ZNF599: variants seen among roughly 807,000 people sequenced by gnomAD.
ZNF599 encodes zinc finger protein 599.
In ZNF599, 10 loss-of-function variants were observed where a neutral mutation model predicts 11.7. That is an observed-to-expected ratio of 0.86 (90% CI 0.53 to 1.45). ZNF599 has a LOEUF of 1.45. Ranked by LOEUF, ZNF599 falls within the 40% of genes most tolerant of loss-of-function variation. The probability of loss-of-function intolerance (pLI) is 0.00; values close to 1 mark genes in which losing one functional copy is unlikely to be tolerated. For synonymous variants in ZNF599, 232 were observed against 253.2 expected, an observed-to-expected ratio of 0.92 and a Z score of 0.79; for missense variants, 688 against 713.6, an observed-to-expected ratio of 0.96 and a Z score of 0.41.
the ZNF599 span, among the ~76,000 whole-genome samples, chr19:34,778,329 AT>A: frequency 6.6e-6 from 1 of 151,484 alleles, no homozygotes; most frequent in East Asian, 1.9e-4. Flanking sequence ...AAATATATAT[AT>A]ATAAGAAATC....
upstream of ZNF599, among the ~76,000 whole-genome samples, chr19:34,777,410 A>AT (rs2069224377): frequency 2.2e-5 from 2 of 91,298 alleles, no homozygotes; most frequent in African/African-American, 9.6e-5. Context: ...TATTATATAT[A>AT]ATATATATTA....
chr19:34,765,781 G>A (rs540189574), intron 3 of ZNF599: 91 of 668,884 alleles, frequency 1.4e-4, no homozygotes, highest in Admixed American at 3.8e-4. Flanking sequence ...ACATGTGAGT[G>A]GATGCAGATA....
chr19:34,784,253 T>G, the ZNF599 span, among the ~76,000 whole-genome samples: 2 of 152,134 alleles, frequency 1.3e-5, no homozygotes, highest in African/African-American at 4.8e-5. Context: ...TCTCCCTGGG[T>G]GTCTTTATGT....
intron 2 of ZNF599, among the ~76,000 whole-genome samples, chr19:34,768,338 C>T (rs571118167): frequency 3.9e-5 from 6 of 152,304 alleles, no homozygotes; most frequent in South Asian, 2.1e-4. Flanking sequence ...CATCTCCTTT[C>T]GACAACTAAT....
chr19:34,759,813 T>C lies in ZNF599; in HGVS notation c.988A>G (p.Met330Val), dbSNP rs761679510. 1.2e-6 allele frequency: 2 copies of C among 1,614,204 alleles called. No individual in the cohort carries two copies. The highest frequency in any genetic ancestry group is 8.5e-7 in the Non-Finnish European group (1 of 1,180,022). ...AGTTTCTTTCCAGTATGAATCCTCATATGTTGAGCAAATGAGGAGCTGTAG... is the reference window on the plus strand; with the variant it reads ...AGTTTCTTTCCAGTATGAATCCTCACATGTTGAGCAAATGAGGAGCTGTAG... ...FYYSSSFAQHMRIHTGKKLYE... is the reference protein window; with the variant it reads ...FYYSSSFAQHVRIHTGKKLYE... Residue 330 changes from methionine to valine, a missense_variant, in exon 4 of 4, where the codon ATG becomes GTG. By Grantham distance (21) the Met-to-Val change is conservative (BLOSUM62 1). Coordinates refer to ENST00000329285, the MANE Select transcript of ZNF599 (RefSeq NM_001007248.3).
chr19:34,786,777 C>T, the ZNF599 span, among the ~76,000 whole-genome samples: 1 of 152,186 alleles, frequency 6.6e-6, no homozygotes, highest in African/African-American at 2.4e-5. Context: ...TGATGCTCCA[C>T]CCTCAGAGGT....
chr19:34,759,618 A>C lies in ZNF599; in HGVS notation c.1183T>G (p.Tyr395Asp), dbSNP rs1568491829. 1.9e-6 allele frequency: 3 copies of C among 1,614,180 alleles called. No homozygotes were observed. The Admixed American group carries it at 5.0e-5, about 27-fold the overall frequency. The change falls in exon 4 of 4, where the codon TAT becomes GAT. Residue 395 changes from tyrosine to aspartate, a missense_variant. Transcript: ENST00000329285. Reference sequence around the variant, plus strand: ...GCCTTTCCACATTCACCGCACTCATAGGGTTTCTCTCCAGTGTGAATCCTC... The same window carrying C: ...GCCTTTCCACATTCACCGCACTCATCGGGTTTCTCTCCAGTGTGAATCCTC... ...HMRIHTGEKPYECGECGKAFT... is the reference protein window; with the variant it reads ...HMRIHTGEKPDECGECGKAFT...
upstream of ZNF599, among the ~76,000 whole-genome samples, chr19:34,774,912 A>G (rs2069209920): frequency 6.6e-6 from 1 of 152,130 alleles, no homozygotes; most frequent in Non-Finnish European, 1.5e-5. Flanking sequence ...TAGATTTCTC[A>G]TGAATGATTT....
In ZNF599 at chr19:34,772,104, G is replaced by A. The variant is rs143415928; in HGVS notation, c.18+720C>T. Among the ~76,000 whole-genome samples, 24 of 152,312 alleles carry A rather than the reference G, an allele frequency of 1.6e-4. No homozygotes were observed. In the East Asian group the frequency reaches 1.7e-3, roughly 11 times the overall value. On this transcript the variant is annotated intron_variant, in intron 1 of 3. Transcript: ENST00000329285. ...GTGACATGCTGGAGAGTAACTTGGG[G>A]CCTTATGTGCTCACACTCCAAGAGA...
chr19:34,796,709 G>T, the ZNF599 span, among the ~76,000 whole-genome samples: 1 of 152,136 alleles, frequency 6.6e-6, no homozygotes. Flanking sequence ...TATTCTTGGA[G>T]AGCTTTTTGA....
intron 3 of ZNF599, chr19:34,765,546 T>C: frequency 1.4e-6 from 1 of 702,784 alleles, no homozygotes; most frequent in South Asian, 1.5e-5. Context: ...AGTAGATGGC[T>C]AATACACCTG....
the ZNF599 span, among the ~76,000 whole-genome samples, chr19:34,782,434 CAG>C: frequency 3.2e-4 from 49 of 152,352 alleles, no homozygotes; most frequent in African/African-American, 1.1e-3. Context: ...AAAAAGGGGA[CAG>C]AATCTGCACC....
chr19:34,767,481 G>A (rs2069152486), intron 2 of ZNF599, 70 bp from the exon 3 acceptor site: 1 of 1,237,588 alleles, frequency 8.1e-7, no homozygotes, highest in Non-Finnish European at 1.2e-6. Context: ...AGGTGTAAAG[G>A]AGTACATATA....
At chr19:34,792,460 G>A in the ZNF599 span, among the ~76,000 whole-genome samples, 1 of 152,162 alleles carries the variant, frequency 6.6e-6, no homozygotes, top group Admixed American at 6.5e-5. Flanking sequence ...TTTGGAAAAT[G>A]TTGGGAGTTC....
At chr19:34,805,603 CACTT>C in the ZNF599 span, among the ~76,000 whole-genome samples, 1 of 152,142 alleles carries the variant, frequency 6.6e-6, no homozygotes, top group African/African-American at 2.4e-5. Context: ...ATACCACCAA[CACTT>C]ACTTAGATTA....
At chr19:34,803,006 A>G in the ZNF599 span, among the ~76,000 whole-genome samples, 1 of 152,232 alleles carries the variant, frequency 6.6e-6, no homozygotes, top group Non-Finnish European at 1.5e-5. Flanking sequence ...CATGTCGGTA[A>G]CAGCAATTCC....
upstream of ZNF599, among the ~76,000 whole-genome samples, chr19:34,773,515 T>C (rs2069200379): frequency 6.6e-6 from 1 of 152,184 alleles, no homozygotes; most frequent in South Asian, 2.1e-4. Context: ...CCTCCCTGTG[T>C]ATCCCTGCGC....
chr19:34,805,436 TC>T, the ZNF599 span, among the ~76,000 whole-genome samples: 24 of 152,208 alleles, frequency 1.6e-4, no homozygotes, highest in East Asian at 4.6e-3. Flanking sequence ...GACCTCGTGA[TC>T]CACCCGCCTC....
intron 1 of ZNF599, among the ~76,000 whole-genome samples, chr19:34,770,371 C>A (rs2069175437): frequency 6.6e-6 from 1 of 152,226 alleles, no homozygotes; most frequent in Admixed American, 6.5e-5. Context: ...GTGACAAGGG[C>A]TAAAAATACT....
Sources: gnomAD v4.1 joint callset for allele counts (sites outside exome capture counted in the v4.1 genomes callset) on GRCh38, gnomAD v4.1.1 for gene constraint, MANE v1.5 for transcripts, NCBI Gene and HGNC (gene_info 2026-07-23, HGNC 2026-07-21) for gene names.